BABAM2: variants seen among roughly 807,000 people sequenced by gnomAD.
BABAM2 encodes BRISC and BRCA1 A complex member 2, also known as BRISC and BRCA1-A complex member 2.
BABAM2 carries 31 observed loss-of-function variants against 54.7 expected under a neutral mutation model. The observed-to-expected ratio is 0.57, with a 90% CI of 0.43 to 0.77. The LOEUF is 0.77. Among genes scored for constraint, BABAM2 ranks in the 30% least tolerant of loss-of-function variants. The probability of loss-of-function intolerance (pLI) is 0.00; values close to 1 mark genes in which losing one functional copy is unlikely to be tolerated. For synonymous variants in BABAM2, 167 were observed against 162.9 expected (o/e 1.03, Z -0.19); for missense variants, 364 against 455.8 (o/e 0.80, Z 1.83).
intron 10 of BABAM2, among the ~76,000 whole-genome samples, chr2:28,291,649 C>A (rs1687295111): frequency 6.6e-6 from 1 of 152,014 alleles, no homozygotes; most frequent in Non-Finnish European, 1.5e-5. Flanking sequence ...TCATAACCAG[C>A]TTAAACCAGT....
At chr2:27,946,460 T>A (rs1265476221) in intron 3 of BABAM2, among the ~76,000 whole-genome samples, 2 of 152,208 alleles carry the variant, frequency 1.3e-5, no homozygotes, top group Admixed American at 6.5e-5. Context: ...TTTCTTTACT[T>A]TTAGTTCTTT....
intron 3 of BABAM2, among the ~76,000 whole-genome samples, chr2:27,953,103 A>T (rs911526174): frequency 6.6e-6 from 1 of 151,518 alleles, no homozygotes; most frequent in Non-Finnish European, 1.5e-5. Context: ...CTCACTGCAG[A>T]CTCGAACTCC....
chr2:28,123,247 A>C (rs747338323), intron 6 of BABAM2, among the ~76,000 whole-genome samples: 1 of 152,168 alleles, frequency 6.6e-6, no homozygotes, highest in Admixed American at 6.6e-5. Context: ...ATTATACACT[A>C]TAGGAACTCC....
At chr2:28,066,235 C>CT (rs1663553505) in intron 6 of BABAM2, among the ~76,000 whole-genome samples, 1 of 151,618 alleles carries the variant, frequency 6.6e-6, no homozygotes, top group African/African-American at 2.4e-5. Flanking sequence ...AATTGTGACT[C>CT]TGACTTAGGC....
At chr2:28,162,057 C>A (rs1673154744) in intron 7 of BABAM2, among the ~76,000 whole-genome samples, 1 of 152,062 alleles carries the variant, frequency 6.6e-6, no homozygotes, top group Admixed American at 6.5e-5. Context: ...CTACTAATTC[C>A]TAGAATAAAT....
chr2:27,981,542 A>G (rs1244788094), intron 3 of BABAM2, among the ~76,000 whole-genome samples: 1 of 152,128 alleles, frequency 6.6e-6, no homozygotes, highest in East Asian at 1.9e-4. Context: ...GCAACCATTA[A>G]TCTACTTTCT....
At chr2:27,999,600 C>T (rs1199168673) in intron 4 of BABAM2, among the ~76,000 whole-genome samples, 1 of 152,206 alleles carries the variant, frequency 6.6e-6, no homozygotes, top group Admixed American at 6.5e-5. Context: ...GTTTTGTTTT[C>T]CTTCTTCCTA....
chr2:28,122,506 A>G (rs755265911), intron 6 of BABAM2, among the ~76,000 whole-genome samples: 9 of 152,202 alleles, frequency 5.9e-5, no homozygotes, highest in Non-Finnish European at 8.8e-5. Context: ...TTTGCTAGTA[A>G]CAGTTATAAC....
chr2:28,244,473 A>G (rs1476512267), intron 9 of BABAM2, among the ~76,000 whole-genome samples: 1 of 152,056 alleles, frequency 6.6e-6, no homozygotes, highest in Non-Finnish European at 1.5e-5. Context: ...TTTGTTTTTC[A>G]CAACCCTGTA....
chr2:28,265,145 GAC>G (rs1469212241), intron 10 of BABAM2, among the ~76,000 whole-genome samples: 1 of 152,058 alleles, frequency 6.6e-6, no homozygotes, highest in African/African-American at 2.4e-5. Context: ...CCCTATATAA[GAC>G]ACAATTAGGC....
chr2:28,319,705 G>C (rs548212680), intron 11 of BABAM2, among the ~76,000 whole-genome samples: 50 of 152,360 alleles, frequency 3.3e-4, no homozygotes, highest in African/African-American at 1.2e-3. Context: ...TGGTCCTCTG[G>C]CCGCAGACGC....
intron 6 of BABAM2, among the ~76,000 whole-genome samples, chr2:28,113,081 C>T (rs1668277909): frequency 6.6e-6 from 1 of 152,028 alleles, no homozygotes; most frequent in African/African-American, 2.4e-5. Context: ...TGTTTGAGTT[C>T]CTTGTAGATT....
At chr2:28,225,356 C>T (rs189924073) in intron 7 of BABAM2, among the ~76,000 whole-genome samples, 178 of 152,338 alleles carry the variant, frequency 1.2e-3, no homozygotes, top group African/African-American at 3.7e-3. Flanking sequence ...CGGTTAACAC[C>T]AGCCAGCCCT....
At chr2:27,991,919 T>C (rs766867173) in intron 4 of BABAM2, among the ~76,000 whole-genome samples, 1 of 152,210 alleles carries the variant, frequency 6.6e-6, no homozygotes, top group Non-Finnish European at 1.5e-5. Flanking sequence ...GTTTAACTTT[T>C]TGAGGAAATA....
At chr2:28,203,591 CTTAT>C (rs1678509725) in intron 7 of BABAM2, among the ~76,000 whole-genome samples, 1 of 152,124 alleles carries the variant, frequency 6.6e-6, no homozygotes. Context: ...TAACAATGTT[CTTAT>C]TTATTTATAT....
chr2:28,318,727 C>T (rs1689776115), intron 11 of BABAM2, among the ~76,000 whole-genome samples: 1 of 152,186 alleles, frequency 6.6e-6, no homozygotes, highest in Non-Finnish European at 1.5e-5. Flanking sequence ...TCTAATGGCT[C>T]TGGTATGCAT....
At chr2:28,219,142 A>G (rs1192652194) in intron 7 of BABAM2, among the ~76,000 whole-genome samples, 3 of 152,242 alleles carry the variant, frequency 2.0e-5, no homozygotes, top group African/African-American at 7.2e-5. Context: ...AGTGGGCCGC[A>G]TTCCTTTCTG....
chr2:27,969,121 G>C (rs1000479618), intron 3 of BABAM2, among the ~76,000 whole-genome samples: 7 of 152,136 alleles, frequency 4.6e-5, no homozygotes, highest in Non-Finnish European at 1.0e-4. Context: ...TTCTATAAGG[G>C]GGAGTTTCCC....
intron 3 of BABAM2, among the ~76,000 whole-genome samples, chr2:27,937,526 G>C (rs1281441568): frequency 6.6e-6 from 1 of 152,198 alleles, no homozygotes. Flanking sequence ...GGAGTGAGAT[G>C]ATATCTCATT....
Sources: gnomAD v4.1 joint callset for allele counts (sites outside exome capture counted in the v4.1 genomes callset) on GRCh38, gnomAD v4.1.1 for gene constraint, MANE v1.5 for transcripts, NCBI Gene and HGNC (gene_info 2026-07-23, HGNC 2026-07-21) for gene names.